MAN2A1: variants seen among roughly 807,000 people sequenced by gnomAD.
MAN2A1 encodes the protein alpha-mannosidase 2.
MAN2A1 carries 76 observed loss-of-function variants against 142.6 expected under a neutral mutation model. The observed-to-expected ratio is 0.53, with a 90% CI of 0.44 to 0.65. MAN2A1 has a LOEUF of 0.65. MAN2A1 is among the 30% of genes least tolerant of loss of function. MAN2A1 has a pLI of 0.00. For missense variants in MAN2A1, 1,311 were observed against 1,365.1 expected (o/e 0.96, Z 0.62); for synonymous variants, 559 against 473.2 (o/e 1.18, Z -2.35).
chr5:109,731,651 G>C (rs993703880), intron 4 of MAN2A1, among the ~76,000 whole-genome samples: 26 of 151,182 alleles, frequency 1.7e-4, no homozygotes, highest in Admixed American at 1.4e-3. Flanking sequence ...TGAGAATGAT[G>C]GTTTCCAGCT....
chr5:109,743,908 C>T (rs897898405), intron 4 of MAN2A1, among the ~76,000 whole-genome samples: 7 of 152,166 alleles, frequency 4.6e-5, no homozygotes, highest in African/African-American at 1.2e-4. Context: ...TCCCGACTTG[C>T]TCATCCTTAT....
At chr5:109,734,528 A>G (rs1016959287) in intron 4 of MAN2A1, among the ~76,000 whole-genome samples, 6 of 152,090 alleles carry the variant, frequency 3.9e-5, no homozygotes, top group African/African-American at 1.4e-4. Flanking sequence ...ATTTCCCTCT[A>G]CACACTGCTT....
At chr5:109,801,134 T>C (rs1050796311) in intron 12 of MAN2A1, among the ~76,000 whole-genome samples, 1 of 152,206 alleles carries the variant, frequency 6.6e-6, no homozygotes, top group Admixed American at 6.5e-5. Context: ...ATTATTCTTA[T>C]GGACAAGTTT....
chr5:109,760,329 C>T (rs1302662535), intron 5 of MAN2A1, among the ~76,000 whole-genome samples: 1 of 152,164 alleles, frequency 6.6e-6, no homozygotes, highest in Non-Finnish European at 1.5e-5. Context: ...CTTTTTATGG[C>T]TGCATAATAT....
chr5:109,788,952 G>A lies in MAN2A1; in HGVS notation c.1779G>A (p.Met593Ile), dbSNP rs772829615. The change falls in exon 11 of 22, where the codon ATG becomes ATA. Residue 593 changes from methionine (M) to isoleucine (I), a missense_variant. Around this residue, in one of 3 missense-constraint regions of MAN2A1, gnomAD observed 890 missense variants for 920.5 expected, o/e 0.97. Coordinates refer to ENST00000261483, the MANE Select transcript of MAN2A1 (RefSeq NM_002372.4). Reference protein sequence around the residue: ...DYGTRLFHSLMVLEKIIGNSA... With the variant: ...DYGTRLFHSLIVLEKIIGNSA... ...TTTACAGACTTTTTCATTCGTTAAT[G>A]GTTTTGGAGAAGATAATTGGAAATT... 3.2e-6 allele frequency: 5 copies of A among 1,572,444 alleles called. No individual in the cohort carries two copies. Among genetic ancestry groups the A allele is most frequent in the Non-Finnish European group, 4.4e-6 (5 of 1,146,158 alleles).
At chr5:109,832,839 C>T (rs941008851) in intron 16 of MAN2A1, among the ~76,000 whole-genome samples, 4 of 148,300 alleles carry the variant, frequency 2.7e-5, no homozygotes, top group Non-Finnish European at 4.4e-5. Context: ...CTGGAGGGGG[C>T]GGCTGCCGGG....
At chr5:109,700,672 T>A (rs563337133) in intron 1 of MAN2A1, among the ~76,000 whole-genome samples, 2 of 152,208 alleles carry the variant, frequency 1.3e-5, no homozygotes, top group Non-Finnish European at 2.9e-5. Flanking sequence ...CACAGAATTG[T>A]AGAGTAGGCT....
intron 12 of MAN2A1, among the ~76,000 whole-genome samples, chr5:109,816,404 T>C (rs1045754989): frequency 6.6e-6 from 1 of 152,202 alleles, no homozygotes; most frequent in African/African-American, 2.4e-5. Flanking sequence ...ATTTTAATAG[T>C]TTGCATTTTC....
chr5:109,827,997 C>T (rs564479236), intron 16 of MAN2A1, among the ~76,000 whole-genome samples: 16 of 151,718 alleles, frequency 1.1e-4, no homozygotes, highest in Non-Finnish European at 1.3e-4. Context: ...CCCAGCTATT[C>T]GGGAGACTGA....
chr5:109,733,419 G>C (rs1215502514), intron 4 of MAN2A1, among the ~76,000 whole-genome samples: 1 of 152,174 alleles, frequency 6.6e-6, no homozygotes, highest in Non-Finnish European at 1.5e-5. Flanking sequence ...AGTGGTGAGA[G>C]AGGGCATCCC....
At chr5:109,733,263 T>G (rs952383434) in intron 4 of MAN2A1, among the ~76,000 whole-genome samples, 1 of 152,114 alleles carries the variant, frequency 6.6e-6, no homozygotes, top group Non-Finnish European at 1.5e-5. Context: ...AGATTTTGGA[T>G]TGAGACGATG....
intron 10 of MAN2A1, 100 bp downstream of exon 10, chr5:109,785,026 A>G: frequency 1.4e-6 from 1 of 739,154 alleles, no homozygotes. Flanking sequence ...ATCAAACCAC[A>G]TTAACAATGA....
intron 4 of MAN2A1, among the ~76,000 whole-genome samples, chr5:109,753,052 T>G (rs906579683): frequency 6.6e-6 from 1 of 152,242 alleles, no homozygotes; most frequent in Admixed American, 6.5e-5. Flanking sequence ...ATCTGCAGTT[T>G]TTTTCTCTAT....
chr5:109,829,318 G>A (rs919303868), intron 16 of MAN2A1, among the ~76,000 whole-genome samples: 5 of 152,158 alleles, frequency 3.3e-5, no homozygotes, highest in African/African-American at 1.2e-4. Context: ...TCACAAAATT[G>A]CCCTTGTTTA....
At chr5:109,744,831 C>G (rs1203712133) in intron 4 of MAN2A1, among the ~76,000 whole-genome samples, 3 of 152,058 alleles carry the variant, frequency 2.0e-5, no homozygotes, top group Admixed American at 1.3e-4. Context: ...AGGCTTTTTC[C>G]TAGTAACTTC....
chr5:109,769,772 T>A (rs1753090908), intron 6 of MAN2A1, among the ~76,000 whole-genome samples: 1 of 152,224 alleles, frequency 6.6e-6, no homozygotes, highest in East Asian at 1.9e-4. Flanking sequence ...ACTGACTCAT[T>A]CTTGGTAAAC....
intron 16 of MAN2A1, chr5:109,839,991 A>G (rs1755158933): frequency 6.6e-6 from 1 of 152,128 alleles, no homozygotes; most frequent in South Asian, 2.1e-4. Flanking sequence ...TTTATTCACT[A>G]ACACATGCTA....
At chr5:109,846,519 C>T (rs192363149) in intron 18 of MAN2A1, among the ~76,000 whole-genome samples, 25 of 152,134 alleles carry the variant, frequency 1.6e-4, no homozygotes, top group African/African-American at 6.0e-4. Context: ...GAAAGTGATG[C>T]GCAGAAAGTG....
At chr5:109,805,132 G>C (rs991075133) in intron 12 of MAN2A1, among the ~76,000 whole-genome samples, 1 of 152,108 alleles carries the variant, frequency 6.6e-6, no homozygotes, top group Admixed American at 6.6e-5. Context: ...AAAACAGATG[G>C]TATTTTTGTT....
Sources: allele counts gnomAD v4.1 joint callset (sites outside exome capture counted in the v4.1 genomes callset), GRCh38; gene constraint gnomAD v4.1.1; regional missense constraint gnomAD v4.1.1; transcripts MANE v1.5; gene names NCBI Gene and HGNC (gene_info 2026-07-23, HGNC 2026-07-21).